Variants in ZBTB46 observed in about 807,000 individuals in gnomAD.
The protein encoded by ZBTB46 is zinc finger and BTB domain containing 46.
In ZBTB46, 8 loss-of-function variants were observed where a neutral mutation model predicts 44.1. The observed-to-expected ratio is 0.18, with a 90% confidence interval of 0.11 to 0.33. The LOEUF (loss-of-function observed/expected upper bound fraction) is 0.33. Among genes scored for constraint, ZBTB46 ranks in the 10% least tolerant of loss-of-function variants. The probability of loss-of-function intolerance (pLI) is 1.00; values close to 1 mark genes in which losing one functional copy is unlikely to be tolerated. For synonymous variants in ZBTB46, 409 were observed against 382.3 expected (o/e 1.07, Z -0.81); for missense variants, 651 against 847.7 (o/e 0.77, Z 2.88).
chr20:63,770,533 G>C (rs1422246743), intron 3 of ZBTB46, among the ~76,000 whole-genome samples: 1 of 152,146 alleles, frequency 6.6e-6, no homozygotes, highest in African/African-American at 2.4e-5. Context: ...CAAATCCAAG[G>C]AAACTAGTTC....
chr20:63,766,882 G>A (rs1568843675), intron 3 of ZBTB46, among the ~76,000 whole-genome samples: 1 of 152,308 alleles, frequency 6.6e-6, no homozygotes, highest in African/African-American at 2.4e-5. Flanking sequence ...TCTGGCCTGG[G>A]AGCGGGCTCC....
chr20:63,819,241 C>A (rs2092777739), intron 1 of ZBTB46, among the ~76,000 whole-genome samples: 1 of 152,078 alleles, frequency 6.6e-6, no homozygotes, highest in East Asian at 1.9e-4. Flanking sequence ...TAAGACAAGG[C>A]AAAAATTAGG....
At chr20:63,781,160 AAAAG>A (rs1296197798) in intron 2 of ZBTB46, among the ~76,000 whole-genome samples, 57 of 143,900 alleles carry the variant, frequency 4.0e-4, no homozygotes, top group African/African-American at 1.3e-3. Context: ...AAAAAAAAAA[AAAAG>A]AAAGAAAAAA....
At chr20:63,774,442 C>T (rs963339160) in intron 3 of ZBTB46, among the ~76,000 whole-genome samples, 1 of 152,214 alleles carries the variant, frequency 6.6e-6, no homozygotes, top group Non-Finnish European at 1.5e-5. Flanking sequence ...CCTTCCTTCA[C>T]TTCCCTCAAT....
rs777984969 is a variant in ZBTB46 at position 63,747,056 on chromosome 20, C to G, written c.1644G>C (p.Leu548=). ...PEDPRGEAEE[L]GEDDEGLAPE... is the part of the protein sequence containing the mutation. ...GGGCCAGGCCCTCGTCGTCCTCGCCCAGCTCCTCCGCCTCCCCTCGTGGGT... is the reference window on the plus strand; with the variant it reads ...GGGCCAGGCCCTCGTCGTCCTCGCCGAGCTCCTCCGCCTCCCCTCGTGGGT... Residue 548 remains leucine (L), a synonymous_variant, in exon 5 of 5, where the codon CTG becomes CTC. Transcript: ENST00000245663. The G allele has an allele frequency of 3.1e-6, 5 of 1,608,638 alleles. No individual in the cohort carries two copies. In the Admixed American group the frequency reaches 6.7e-5, roughly 21 times the overall value.
At chr20:63,829,647 G>A (rs1049713222) in intron 1 of ZBTB46, among the ~76,000 whole-genome samples, 23 of 152,334 alleles carry the variant, frequency 1.5e-4, no homozygotes, top group African/African-American at 4.8e-4. Context: ...AAAAGTGCCA[G>A]TTGGAAACAC....
At position 63,803,341 on chromosome 20, in the gene ZBTB46, G is replaced by A. The variant is rs2092661284; in HGVS notation, c.-33-12551C>T. 3.0e-6 allele frequency: 3 copies of A among 985,434 alleles called. No homozygotes were observed. In the African/African-American group the frequency reaches 5.2e-5, roughly 17 times the overall value. 61.0% of individuals were successfully genotyped at this position (985,434 alleles called of 1,614,324 possible). A position where few individuals can be genotyped will look rare whatever the true frequency, so the allele number is the denominator to read the frequency against. Reference sequence around the variant, plus strand: ...ATTTCATATACATCATATTACCATTGTTCGTGGTCGCATTTCAAAATTTTT... The same window carrying A: ...ATTTCATATACATCATATTACCATTATTCGTGGTCGCATTTCAAAATTTTT... On this transcript the variant is annotated intron_variant, in intron 1 of 4. Transcript: ENST00000245663. The surrounding 1 kb of genome is among the most constrained non-coding windows in gnomAD (Gnocchi z 4.0).
intron 3 of ZBTB46, chr20:63,768,170 A>G (rs889124457): frequency 3.1e-6 from 3 of 973,804 alleles, no homozygotes; most frequent in Admixed American, 1.2e-4. Flanking sequence ...TCAAAAATAT[A>G]TGCATTAACA....
intron 2 of ZBTB46, among the ~76,000 whole-genome samples, chr20:63,779,406 A>AT (rs59166121): frequency 0.031 from 3,283 of 104,878 alleles, 166 homozygotes; most frequent in Non-Finnish European, 0.038. Context: ...ACGCCGGCTA[A>AT]TTTTTTTTTT....
At chr20:63,805,809 G>T (rs1374559386) in intron 1 of ZBTB46, among the ~76,000 whole-genome samples, 1 of 151,990 alleles carries the variant, frequency 6.6e-6, no homozygotes, top group African/African-American at 2.4e-5. Context: ...AGGCTGGAGG[G>T]CAGTGGCACG....
intron 2 of ZBTB46, among the ~76,000 whole-genome samples, chr20:63,785,002 G>A (rs1277925841): frequency 1.3e-5 from 2 of 152,118 alleles, no homozygotes; most frequent in South Asian, 4.1e-4. Context: ...GGGAGGCCGA[G>A]GCAGGCGGAT....
At chr20:63,772,969 C>G (rs554039119) in intron 3 of ZBTB46, among the ~76,000 whole-genome samples, 31 of 152,296 alleles carry the variant, frequency 2.0e-4, no homozygotes, top group Non-Finnish European at 3.4e-4. Context: ...AGAAAAGCCC[C>G]GAGGAAGGGG....
intron 1 of ZBTB46, among the ~76,000 whole-genome samples, chr20:63,809,273 G>T (rs2092704054): frequency 6.6e-6 from 1 of 152,196 alleles, no homozygotes; most frequent in South Asian, 2.1e-4. Context: ...GCCACGCCCA[G>T]CGCGTCCAGT....
intron 1 of ZBTB46, among the ~76,000 whole-genome samples, chr20:63,798,685 A>AAAAAAAAAAAAC (rs1417351365): frequency 3.1e-5 from 4 of 127,888 alleles, no homozygotes; most frequent in African/African-American, 1.3e-4. Flanking sequence ...AAAAAAAAAA[A>AAAAAAAAAAAAC]AAAAAAAATT....
At chr20:63,790,910 C>G in intron 1 of ZBTB46, 120 bp from the exon 2 acceptor site, 1 of 1,364,808 alleles carries the variant, frequency 7.3e-7, no homozygotes, top group South Asian at 1.5e-5. Flanking sequence ...GGACGACCCA[C>G]GCGAGAGCCC....
intron 1 of ZBTB46, among the ~76,000 whole-genome samples, chr20:63,820,322 ATC>A (rs1211450173): frequency 2.0e-5 from 3 of 151,910 alleles, no homozygotes; most frequent in Non-Finnish European, 4.4e-5. Context: ...GATGGTCTCG[ATC>A]TCCTGACCTC....
At chr20:63,825,087 C>T (rs1180686587) in intron 1 of ZBTB46, among the ~76,000 whole-genome samples, 1 of 146,384 alleles carries the variant, frequency 6.8e-6, no homozygotes, top group Non-Finnish European at 1.5e-5. Flanking sequence ...CCCATCACTG[C>T]ACCCCCATCT....
At chr20:63,805,046 G>A (rs1017989938) in intron 1 of ZBTB46, among the ~76,000 whole-genome samples, 1 of 150,920 alleles carries the variant, frequency 6.6e-6, no homozygotes, top group African/African-American at 2.4e-5. Flanking sequence ...TCAGCCTCCT[G>A]AGTAGCTGAC....
In ZBTB46 at chr20:63,814,704, C is replaced by T. The variant is rs191029269; in HGVS notation, c.-34+16393G>A. ...CAGACACAGCCATGTCCACATCGCACCATGGCCACCGCAGGCAACTTAGAA... is the reference window on the plus strand; with the variant it reads ...CAGACACAGCCATGTCCACATCGCATCATGGCCACCGCAGGCAACTTAGAA... On this transcript the variant is annotated intron_variant, in intron 1 of 4. Coordinates refer to ENST00000245663, the MANE Select transcript of ZBTB46 (RefSeq NM_001369741.1). Among the ~76,000 whole-genome samples, 136 of 152,330 alleles carry T rather than the reference C, an allele frequency of 8.9e-4. 1 individual carries two copies. Among genetic ancestry groups the T allele is most frequent in the African/African-American group, 3.0e-3 (126 of 41,584 alleles).
Sources: allele counts gnomAD v4.1 joint callset (sites outside exome capture counted in the v4.1 genomes callset), GRCh38; gene constraint gnomAD v4.1.1; non-coding constraint Gnocchi (gnomAD v3.1); transcripts MANE v1.5; gene names NCBI Gene and HGNC (gene_info 2026-07-23, HGNC 2026-07-21).